Variants in ACOT11 observed in about 807,000 individuals in gnomAD.
ACOT11 encodes acyl-coenzyme A thioesterase 11.
ACOT11 carries 69 observed loss-of-function variants against 77.5 expected under a neutral mutation model. That is an observed-to-expected ratio of 0.89 (90% confidence interval 0.73 to 1.09). The LOEUF (loss-of-function observed/expected upper bound fraction) is 1.09, where lower values mean the gene tolerates loss of function less well. Among genes scored for constraint, ACOT11 ranks in the 50% least tolerant of loss-of-function variants. The pLI, the probability that ACOT11 is intolerant of heterozygous loss-of-function variation, is 0.00. For missense variants in ACOT11, 766 were observed against 813.7 expected (o/e 0.94, Z 0.71); for synonymous variants, 279 against 313.0 (o/e 0.89, Z 1.15).
exon 17 of ACOT11, chr1:54,637,926 A>G (rs1317638920): frequency 6.6e-6 from 1 of 152,138 alleles, no homozygotes; most frequent in African/African-American, 2.4e-5. Flanking sequence ...AAAAAAATCC[A>G]TACCTATATG....
intron 3 of ACOT11, among the ~76,000 whole-genome samples, chr1:54,587,772 A>C (rs919849229): frequency 6.6e-6 from 1 of 151,022 alleles, no homozygotes; most frequent in Non-Finnish European, 1.5e-5. Flanking sequence ...ATGTTGGCCA[A>C]GCTGGTCTCG....
chr1:54,581,146 G>C (rs939544994), intron 1 of ACOT11, among the ~76,000 whole-genome samples: 6 of 152,202 alleles, frequency 3.9e-5, no homozygotes, highest in African/African-American at 1.4e-4. Flanking sequence ...TGAGGACCAG[G>C]TCTCCCCGAA....
chr1:54,623,448 G>A (rs1040289492), intron 15 of ACOT11: 205 of 1,374,814 alleles, frequency 1.5e-4, no homozygotes, highest in Non-Finnish European at 1.9e-4. Flanking sequence ...GAGTCCCTGA[G>A]GCTCCCTGCA....
At chr1:54,562,114 G>A (rs1299546206) in intron 1 of ACOT11, among the ~76,000 whole-genome samples, 2 of 65,220 alleles carry the variant, frequency 3.1e-5, no homozygotes, top group African/African-American at 1.2e-4. Context: ...CCTCCCTCCC[G>A]GACGGGGCGG....
chr1:54,580,457 T>C (rs11811633), intron 1 of ACOT11, among the ~76,000 whole-genome samples: 8,075 of 152,296 alleles, frequency 0.053, 441 homozygotes, highest in African/African-American at 0.13. Context: ...CATCCAGGTA[T>C]GTAGAGCATT....
At chr1:54,569,980 A>T (rs751651513) in intron 1 of ACOT11, among the ~76,000 whole-genome samples, 6 of 152,236 alleles carry the variant, frequency 3.9e-5, no homozygotes, top group Non-Finnish European at 8.8e-5. Context: ...CATTGAACAC[A>T]TATTTACTGA....
At chr1:54,582,025 G>A (rs766875710) in intron 1 of ACOT11, among the ~76,000 whole-genome samples, 14 of 152,204 alleles carry the variant, frequency 9.2e-5, no homozygotes, top group Non-Finnish European at 1.3e-4. Context: ...CGGCTTCTGC[G>A]CCCCTCTCTT....
chr1:54,582,792 G>T (rs1364149854), intron 1 of ACOT11, among the ~76,000 whole-genome samples: 1 of 152,142 alleles, frequency 6.6e-6, no homozygotes, highest in Non-Finnish European at 1.5e-5. Context: ...TGTCCAGACT[G>T]CCCAGAAACC....
downstream of ACOT11, among the ~76,000 whole-genome samples, chr1:54,613,213 C>T (rs752029111): frequency 9.9e-5 from 15 of 152,112 alleles, no homozygotes; most frequent in Admixed American, 2.0e-4. Context: ...AACCCTGTCT[C>T]TACTAAAAAT....
In ACOT11 at chr1:54,599,436, C is replaced by T. The variant is rs77812920; in HGVS notation, c.884+21C>T. 1,082 of 1,586,192 alleles carry T rather than the reference C, an allele frequency of 6.8e-4. 4 individuals carry two copies. In the African/African-American group the frequency reaches 9.8e-3, roughly 14 times the overall value. Reference sequence around the variant, plus strand: ...CATAGGTGAGGGTCTGGGATGGGTGCGGCCACGTCCATTCAGGGCTGAGGG... The same window carrying T: ...CATAGGTGAGGGTCTGGGATGGGTGTGGCCACGTCCATTCAGGGCTGAGGG... On this transcript the variant is annotated intron_variant, in intron 8 of 15. Transcript: ENST00000343744.
chr1:54,610,145 G>A lies in ACOT11; in HGVS notation c.*1033G>A. 1 of 1,433,202 alleles carries A rather than the reference G, an allele frequency of 7.0e-7. No homozygotes were observed. Among genetic ancestry groups the A allele is most frequent in the South Asian group, 1.5e-5 (1 of 65,926 alleles). The allele number at this position is 1,433,202 out of a possible 1,614,324, so 88.8% of individuals were successfully genotyped here. A position where few individuals can be genotyped will look rare whatever the true frequency, so the allele number is the denominator to read the frequency against. ...ATGAGAAACTCTTGTTTCAGCTCTT[G>A]GCCTTTACCCATGACTCAGCCTGGG... On this transcript the variant is annotated 3_prime_UTR_variant, in exon 16 of 16. Coordinates refer to ENST00000343744, the MANE Select transcript of ACOT11 (RefSeq NM_147161.4).
At chr1:54,577,302 C>T (rs1247100847) in intron 1 of ACOT11, among the ~76,000 whole-genome samples, 13 of 152,258 alleles carry the variant, frequency 8.5e-5, no homozygotes. Context: ...AGTTTTTCCC[C>T]ATTCCCTCTG....
At chr1:54,614,292 G>C (rs1175819466), downstream of ACOT11, among the ~76,000 whole-genome samples, 1 of 152,170 alleles carries the variant, frequency 6.6e-6, no homozygotes, top group Non-Finnish European at 1.5e-5. Flanking sequence ...TTCTCTAGCA[G>C]GCCAAATCCT....
intron 8 of ACOT11, 179 bp downstream of exon 8, chr1:54,599,594 T>C: frequency 7.3e-6 from 5 of 687,914 alleles, no homozygotes; most frequent in Non-Finnish European, 8.1e-6. Context: ...CTTGGGAGCC[T>C]TCCCTGGCTC....
intron 1 of ACOT11, among the ~76,000 whole-genome samples, chr1:54,577,017 CT>C (rs1309279959): frequency 2.0e-5 from 3 of 152,160 alleles, no homozygotes; most frequent in African/African-American, 7.2e-5. Flanking sequence ...CTGCTTTCTG[CT>C]TTCACCATAT....
chr1:54,564,331 G>T (rs887124441), intron 1 of ACOT11, among the ~76,000 whole-genome samples: 1 of 152,272 alleles, frequency 6.6e-6, no homozygotes, highest in African/African-American at 2.4e-5. Context: ...AGCCTGGTAG[G>T]TCAGTGCTTG....
At chr1:54,548,953 C>T (rs181619930) in intron 1 of ACOT11, among the ~76,000 whole-genome samples, 6 of 152,252 alleles carry the variant, frequency 3.9e-5, no homozygotes, top group East Asian at 1.9e-4. Flanking sequence ...TGCCCAGCAG[C>T]GCCTGGCAGT....
chr1:54,612,611 T>C (rs369893866), downstream of ACOT11: 2 of 1,614,058 alleles, frequency 1.2e-6, no homozygotes, highest in South Asian at 1.1e-5. Context: ...CCACCATGGC[T>C]TGGGTGTACG....
Position 54,573,897 on chromosome 1 carries a change from C to T in ACOT11, c.34-10758C>T, listed in dbSNP as rs572198048. Reference sequence around the variant, plus strand: ...ACAAAAAATTAGCCGGGCGTGATGGCGCATGCCTGTAATCCCAGCTACTCA... The same window carrying T: ...ACAAAAAATTAGCCGGGCGTGATGGTGCATGCCTGTAATCCCAGCTACTCA... On this transcript the variant is annotated intron_variant, in intron 1 of 15. Coordinates refer to ENST00000343744, the MANE Select transcript of ACOT11 (RefSeq NM_147161.4). 5.3e-5 allele frequency among the ~76,000 whole-genome samples: 8 copies of T among 151,992 alleles called. No individual in the cohort carries two copies. In the South Asian group the frequency reaches 6.2e-4, roughly 12 times the overall value.
Sources: allele counts gnomAD v4.1 joint callset (sites outside exome capture counted in the v4.1 genomes callset), GRCh38; gene constraint gnomAD v4.1.1; transcripts MANE v1.5; gene names NCBI Gene and HGNC (gene_info 2026-07-23, HGNC 2026-07-21).